The following FHIT variants were observed in gnomAD, a reference collection of about 807,000 sequenced individuals.
FHIT encodes the protein bis(5'-adenosyl)-triphosphatase.
Under a neutral mutation model 17.9 loss-of-function variants are expected in FHIT, and 19 were observed. The ratio of observed to expected loss-of-function variants is 1.06; its 90% CI spans 0.74 to 1.56. The LOEUF (loss-of-function observed/expected upper bound fraction) is 1.56. Ranked by LOEUF, FHIT falls within the 40% of genes most tolerant of loss-of-function variation. FHIT has a pLI of 0.00. For synonymous variants in FHIT, 81 were observed against 69.7 expected (o/e 1.16, Z -0.81); for missense variants, 248 against 189.2 (o/e 1.31, Z -1.82).
At chr3:61,214,157 A>G (rs1361602759) in intron 1 of FHIT, among the ~76,000 whole-genome samples, 1 of 152,220 alleles carries the variant, frequency 6.6e-6, no homozygotes, top group Non-Finnish European at 1.5e-5. Context: ...AACTAAAATC[A>G]GAGCAGAACT....
At position 61,001,302 on chromosome 3, in the gene FHIT, C is replaced by G. The variant is rs1003275902; in HGVS notation, c.-111+40745G>C. On this transcript the variant is annotated intron_variant, in intron 3 of 9. Transcript: ENST00000492590. The stretch of plus-strand genomic sequence containing the variant: ...TGCTATATTACCCAGAAGTGGCACT[C>G]TCGGGCACTTGTCACAGAGAAACGA... Among the ~76,000 whole-genome samples the G allele has an allele frequency of 2.0e-5, 3 of 152,152 alleles. 1 individual carries two copies. The highest frequency in any genetic ancestry group is 2.0e-4 in the Admixed American group (3 of 15,278).
At chr3:61,136,269 G>A (rs1576081546) in intron 2 of FHIT, among the ~76,000 whole-genome samples, 2 of 145,164 alleles carry the variant, frequency 1.4e-5, no homozygotes, top group East Asian at 4.1e-4. Flanking sequence ...GAATAAAGCT[G>A]GTTTGTAATT....
intron 5 of FHIT, among the ~76,000 whole-genome samples, chr3:60,381,970 T>G (rs903909032): frequency 1.8e-4 from 28 of 152,100 alleles, no homozygotes; most frequent in African/African-American, 6.8e-4. Flanking sequence ...ACATTAAAAT[T>G]AAATAAATTA....
chr3:60,093,580 G>A (rs576212180), intron 5 of FHIT, among the ~76,000 whole-genome samples: 12 of 152,236 alleles, frequency 7.9e-5, no homozygotes, highest in East Asian at 1.9e-4. Flanking sequence ...TCTATCCAGG[G>A]ATCCCCAACC....
chr3:59,991,023 C>A (rs1170736636), intron 7 of FHIT, among the ~76,000 whole-genome samples: 2 of 151,990 alleles, frequency 1.3e-5, no homozygotes, highest in East Asian at 3.9e-4. Context: ...TGAGTTCAAA[C>A]CTTAAACATC....
At chr3:60,493,842 T>C (rs1054096454) in intron 5 of FHIT, among the ~76,000 whole-genome samples, 13 of 152,286 alleles carry the variant, frequency 8.5e-5, no homozygotes, top group African/African-American at 2.2e-4. Context: ...AAGAGCATAA[T>C]GGAGTGTTGA....
intron 3 of FHIT, among the ~76,000 whole-genome samples, chr3:60,961,193 G>C (rs1709419774): frequency 1.3e-5 from 2 of 152,186 alleles, no homozygotes; most frequent in Admixed American, 1.3e-4. Flanking sequence ...GTGATGATGA[G>C]CATGTTTTCC....
chr3:59,980,256 G>C (rs567168863), intron 7 of FHIT, among the ~76,000 whole-genome samples: 1 of 152,268 alleles, frequency 6.6e-6, no homozygotes, highest in East Asian at 1.9e-4. Flanking sequence ...TCTGCCAACT[G>C]TAAGGCAGAT....
intron 4 of FHIT, among the ~76,000 whole-genome samples, chr3:60,785,335 T>A (rs782800036): frequency 3.3e-5 from 5 of 152,154 alleles, no homozygotes; most frequent in Non-Finnish European, 7.3e-5. Context: ...ATAGAAAATG[T>A]AACAATAGGA....
chr3:60,605,099 A>AACAC (rs1445803594), intron 4 of FHIT, among the ~76,000 whole-genome samples: 1 of 151,892 alleles, frequency 6.6e-6, no homozygotes, highest in African/African-American at 2.4e-5. Flanking sequence ...TCTATACTCA[A>AACAC]ACACACACAC....
At chr3:60,727,138 G>C (rs1475433221) in intron 4 of FHIT, among the ~76,000 whole-genome samples, 4 of 152,016 alleles carry the variant, frequency 2.6e-5, no homozygotes, top group Non-Finnish European at 5.9e-5. Context: ...AACCATTATA[G>C]AGAATGCAGA....
intron 8 of FHIT, among the ~76,000 whole-genome samples, chr3:59,891,987 T>G (rs569538912): frequency 6.6e-6 from 1 of 152,196 alleles, no homozygotes; most frequent in Admixed American, 6.5e-5. Context: ...AACAAAAAGA[T>G]GAAAGTAAAC....
In FHIT at chr3:61,018,836, C is replaced by T. The variant is rs117232427; in HGVS notation, c.-111+23211G>A. On this transcript the variant is annotated intron_variant, in intron 3 of 9. Coordinates refer to ENST00000492590, the MANE Select transcript of FHIT (RefSeq NM_002012.4). ...GGATAGATACACATTCTCACTTAAG[C>T]CCCTGTTGAAACTATTTCCATTGTC... Among the ~76,000 whole-genome samples the T allele has an allele frequency of 1.1e-3, 166 of 152,068 alleles. 3 individuals are homozygous for T. Among genetic ancestry groups the T allele is most frequent in the African/African-American group, 3.8e-3 (157 of 41,472 alleles).
At chr3:61,175,486 T>C (rs1395947662) in intron 2 of FHIT, among the ~76,000 whole-genome samples, 4 of 151,974 alleles carry the variant, frequency 2.6e-5, no homozygotes, top group Non-Finnish European at 5.9e-5. Flanking sequence ...ACAACATAGG[T>C]GCTATGGTTT....
intron 5 of FHIT, among the ~76,000 whole-genome samples, chr3:60,307,689 A>C (rs1708742592): frequency 6.6e-6 from 1 of 152,110 alleles, no homozygotes; most frequent in Non-Finnish European, 1.5e-5. Context: ...GTATTTTCTC[A>C]AATACTAAGA....
intron 7 of FHIT, among the ~76,000 whole-genome samples, chr3:59,965,799 T>C (rs539527904): frequency 6.6e-6 from 1 of 152,312 alleles, no homozygotes; most frequent in Non-Finnish European, 1.5e-5. Flanking sequence ...TTTAAAATCC[T>C]TTTATCAACA....
At chr3:59,885,502 G>C (rs1703585410) in intron 8 of FHIT, among the ~76,000 whole-genome samples, 2 of 150,004 alleles carry the variant, frequency 1.3e-5, no homozygotes, top group Non-Finnish European at 2.9e-5. Flanking sequence ...GCTATTCTGA[G>C]AATTCATGAT....
intron 5 of FHIT, among the ~76,000 whole-genome samples, chr3:60,197,232 C>G (rs1702687722): frequency 6.6e-6 from 1 of 151,882 alleles, no homozygotes; most frequent in South Asian, 2.1e-4. Flanking sequence ...TGGCTCTTGT[C>G]AATGTAAACT....
In FHIT at chr3:61,107,988, A is replaced by T. The variant is rs1322056070; in HGVS notation, c.-163-65889T>A. On this transcript the variant is annotated intron_variant, in intron 2 of 9. Coordinates refer to ENST00000492590, the MANE Select transcript of FHIT (RefSeq NM_002012.4). ...GCTTGTTATAGTTCACGATGTACGG[A>T]AAAACCTTTAGGCTGAACTTAAAAT... Among the ~76,000 whole-genome samples, 6 of 152,324 alleles carry T rather than the reference A, an allele frequency of 3.9e-5. No homozygotes were observed. The East Asian group carries it at 1.2e-3, about 29-fold the overall frequency.
Sources: gnomAD v4.1 joint callset for allele counts (sites outside exome capture counted in the v4.1 genomes callset) on GRCh38, gnomAD v4.1.1 for gene constraint, MANE v1.5 for transcripts, NCBI Gene and HGNC (gene_info 2026-07-23, HGNC 2026-07-21) for gene names.